SHISA9: variants seen among roughly 807,000 people sequenced by gnomAD.
SHISA9 encodes protein shisa-9.
Under a neutral mutation model 38.0 loss-of-function variants are expected in SHISA9, and 13 were observed. The observed-to-expected ratio is 0.34, with a 90% CI of 0.22 to 0.54. The LOEUF is 0.54. SHISA9 is among the 20% of genes least tolerant of loss of function. SHISA9 has a pLI of 0.91. For synonymous variants in SHISA9, 275 were observed against 242.0 expected, an observed-to-expected ratio of 1.14 and a Z score of -1.27; for missense variants, 538 against 575.8, an observed-to-expected ratio of 0.93 and a Z score of 0.67.
intron 2 of SHISA9, among the ~76,000 whole-genome samples, chr16:12,934,529 T>C (rs369538222): frequency 7.2e-5 from 11 of 152,192 alleles, no homozygotes; most frequent in Admixed American, 3.3e-4. Context: ...GGAAATAATG[T>C]TCTGGAGAGA....
At chr16:12,925,504 G>GA (rs531681112) in intron 2 of SHISA9, among the ~76,000 whole-genome samples, 2 of 146,068 alleles carry the variant, frequency 1.4e-5, no homozygotes, top group Admixed American at 6.9e-5. Context: ...CCCTTAAAGG[G>GA]AAAAAAATCA....
At chr16:13,501,044 A>ACT in the SHISA9 span, among the ~76,000 whole-genome samples, 1 of 152,322 alleles carries the variant, frequency 6.6e-6, no homozygotes, top group African/African-American at 2.4e-5. Flanking sequence ...TTTCATTGAC[A>ACT]GTAGAGAGTG....
intron 3 of SHISA9, 110 bp downstream of exon 3, chr16:13,203,659 C>G: frequency 8.7e-7 from 1 of 1,152,094 alleles, no homozygotes; most frequent in African/African-American, 1.6e-5. Context: ...TTTTCTAGCT[C>G]TCTTTTTTTC....
chr16:13,187,822 C>T (rs531617495), intron 2 of SHISA9, among the ~76,000 whole-genome samples: 5 of 152,238 alleles, frequency 3.3e-5, no homozygotes, highest in Admixed American at 6.5e-5. Flanking sequence ...ACAAGGTTGT[C>T]GACAAAGTAG....
chr16:13,404,609 C>T, the SHISA9 span, among the ~76,000 whole-genome samples: 3 of 152,054 alleles, frequency 2.0e-5, no homozygotes, highest in African/African-American at 4.8e-5. Flanking sequence ...GATGAAGCTG[C>T]AGAGATGGGT....
At chr16:13,223,013 T>C (rs944199885) in intron 4 of SHISA9, among the ~76,000 whole-genome samples, 1 of 152,174 alleles carries the variant, frequency 6.6e-6, no homozygotes, top group Non-Finnish European at 1.5e-5. Context: ...CCAGGCCACA[T>C]AGGCCTGGTT....
At chr16:13,469,365 A>AAGAAAGAAAGAAAAGAAAAAG in the SHISA9 span, among the ~76,000 whole-genome samples, 65 of 64,452 alleles carry the variant, frequency 1.0e-3, no homozygotes, top group Non-Finnish European at 1.2e-3. Context: ...AAAGAAAAGA[A>AAGAAAGAAAGAAAAGAAAAAG]AAAGAAAGAA....
At position 13,235,489 on chromosome 16, in the gene SHISA9, C is replaced by G; in HGVS notation, c.*80C>G. On this transcript the variant is annotated 3_prime_UTR_variant, in exon 5 of 5. Transcript: ENST00000558583. ...ACAACCCCGCCCACACCCTCCCCAT[C>G]CTCCCCTAATACATGCGTCCACACA... The G allele has an allele frequency of 7.0e-7, 1 of 1,430,884 alleles. No individual in the cohort carries two copies. Among genetic ancestry groups the G allele is most frequent in the Non-Finnish European group, 9.2e-7 (1 of 1,083,146 alleles). 88.6% of individuals were successfully genotyped at this position (1,430,884 alleles called of 1,614,324 possible). A position where few individuals can be genotyped will look rare whatever the true frequency, so the allele number is the denominator to read the frequency against.
At chr16:13,462,733 G>C in the SHISA9 span, among the ~76,000 whole-genome samples, 1 of 151,756 alleles carries the variant, frequency 6.6e-6, no homozygotes. Flanking sequence ...AGGCCGAGGC[G>C]GGGGGATCAC....
chr16:13,070,153 T>C (rs377757683), intron 2 of SHISA9, among the ~76,000 whole-genome samples: 12,955 of 141,150 alleles, frequency 0.092, 695 homozygotes, highest in South Asian at 0.18. Flanking sequence ...TGTGTGTGTG[T>C]GCACGCATGT....
At chr16:13,418,272 G>A in the SHISA9 span, among the ~76,000 whole-genome samples, 1 of 152,072 alleles carries the variant, frequency 6.6e-6, no homozygotes, top group Non-Finnish European at 1.5e-5. Flanking sequence ...CAAACTTAGT[G>A]GCATGAAAGA....
At chr16:13,243,057 G>A (rs932370506), downstream of SHISA9, among the ~76,000 whole-genome samples, 1 of 152,014 alleles carries the variant, frequency 6.6e-6, no homozygotes, top group African/African-American at 2.4e-5. Context: ...TGGCCAACAT[G>A]GTGAAACCCC....
the SHISA9 span, among the ~76,000 whole-genome samples, chr16:13,288,954 T>C: frequency 6.6e-6 from 1 of 152,164 alleles, no homozygotes; most frequent in African/African-American, 2.4e-5. Context: ...GGCTTCAATA[T>C]ATGAATGAGT....
At chr16:13,007,693 C>A (rs1014858995) in intron 2 of SHISA9, among the ~76,000 whole-genome samples, 13 of 152,224 alleles carry the variant, frequency 8.5e-5, no homozygotes, top group Non-Finnish European at 1.8e-4. Context: ...TGCAGATCTG[C>A]TCACTGTTCC....
At chr16:13,073,436 G>C (rs1369412185) in intron 2 of SHISA9, among the ~76,000 whole-genome samples, 1 of 152,138 alleles carries the variant, frequency 6.6e-6, no homozygotes, top group Non-Finnish European at 1.5e-5. Context: ...TATTTGCCAA[G>C]GGCATTGATC....
chr16:13,020,795 G>C (rs1003281231), intron 2 of SHISA9, among the ~76,000 whole-genome samples: 1 of 152,198 alleles, frequency 6.6e-6, no homozygotes, highest in Admixed American at 6.5e-5. Context: ...TGGAAGGATA[G>C]GTTCCTAGCT....
At chr16:13,100,561 G>C (rs1180677660) in intron 2 of SHISA9, among the ~76,000 whole-genome samples, 1 of 152,080 alleles carries the variant, frequency 6.6e-6, no homozygotes, top group East Asian at 1.9e-4. Flanking sequence ...TCATATTCTG[G>C]GGCTGGCAAT....
At chr16:12,991,533 G>A (rs2072385897) in intron 2 of SHISA9, among the ~76,000 whole-genome samples, 1 of 152,156 alleles carries the variant, frequency 6.6e-6, no homozygotes, top group South Asian at 2.1e-4. Flanking sequence ...ATTGAAAACA[G>A]AGAACTAAGA....
chr16:13,229,224 C>G (rs938410522), intron 4 of SHISA9, among the ~76,000 whole-genome samples: 7 of 152,202 alleles, frequency 4.6e-5, no homozygotes, highest in South Asian at 2.1e-4. Context: ...TTATATAATG[C>G]TGGCCAAAAG....
Sources: allele counts gnomAD v4.1 joint callset (sites outside exome capture counted in the v4.1 genomes callset), GRCh38; gene constraint gnomAD v4.1.1; transcripts MANE v1.5; gene names NCBI Gene and HGNC (gene_info 2026-07-23, HGNC 2026-07-21).